BMAL1: variants seen among roughly 807,000 people sequenced by gnomAD.
BMAL1 encodes basic helix-loop-helix ARNT-like protein 1.
chr11:13,281,820 T>G, the BMAL1 span, among the ~76,000 whole-genome samples: 2 of 152,232 alleles, frequency 1.3e-5, no homozygotes, highest in Non-Finnish European at 2.9e-5. Flanking sequence ...CCTTTGAAGC[T>G]TTTACCTCAC....
chr11:13,378,198 G>A, the BMAL1 span: 3 of 1,213,540 alleles, frequency 2.5e-6, no homozygotes, highest in Non-Finnish European at 3.3e-6. Flanking sequence ...CTGACAAGCT[G>A]TAGCCCTAAA....
the BMAL1 span, among the ~76,000 whole-genome samples, chr11:13,354,814 T>C: frequency 6.6e-6 from 1 of 152,204 alleles, no homozygotes; most frequent in African/African-American, 2.4e-5. Flanking sequence ...AAAGAGAGCT[T>C]TGCCTGAGGG....
the BMAL1 span, among the ~76,000 whole-genome samples, chr11:13,286,012 G>T: frequency 6.6e-6 from 1 of 152,252 alleles, no homozygotes; most frequent in African/African-American, 2.4e-5. Flanking sequence ...CTTAAAAACA[G>T]GTTTTGTTCC....
chr11:13,325,240 G>C, the BMAL1 span, among the ~76,000 whole-genome samples: 1 of 152,174 alleles, frequency 6.6e-6, no homozygotes, highest in Admixed American at 6.5e-5. Flanking sequence ...GAGTGACTCT[G>C]CTGCTCCGCA....
chr11:13,290,847 C>T, the BMAL1 span, among the ~76,000 whole-genome samples: 1 of 152,154 alleles, frequency 6.6e-6, no homozygotes, highest in African/African-American at 2.4e-5. Flanking sequence ...TCTCTCTTTT[C>T]CTGGTACCTG....
At chr11:13,363,337 A>C in the BMAL1 span, among the ~76,000 whole-genome samples, 1 of 152,082 alleles carries the variant, frequency 6.6e-6, no homozygotes, top group Non-Finnish European at 1.5e-5. Context: ...TTATCATGCT[A>C]TCTCAGCTAA....
the BMAL1 span, among the ~76,000 whole-genome samples, chr11:13,361,156 C>T: frequency 6.6e-6 from 1 of 152,094 alleles, no homozygotes; most frequent in Non-Finnish European, 1.5e-5. Flanking sequence ...AAAATAAATG[C>T]AAGAGATATA....
At chr11:13,309,173 A>G in the BMAL1 span, among the ~76,000 whole-genome samples, 1 of 152,140 alleles carries the variant, frequency 6.6e-6, no homozygotes, top group African/African-American at 2.4e-5. Flanking sequence ...GGTCTGGGAT[A>G]TGATGTTTGA....
chr11:13,351,243 T>G, the BMAL1 span, among the ~76,000 whole-genome samples: 4 of 152,220 alleles, frequency 2.6e-5, no homozygotes, highest in African/African-American at 9.7e-5. Flanking sequence ...GCACATTTGC[T>G]GTTTTTGGAA....
At chr11:13,301,685 T>C in the BMAL1 span, among the ~76,000 whole-genome samples, 5 of 152,032 alleles carry the variant, frequency 3.3e-5, no homozygotes, top group Non-Finnish European at 7.4e-5. Context: ...CATGGGGCAA[T>C]GTTTGGGATT....
At chr11:13,289,427 C>G in the BMAL1 span, among the ~76,000 whole-genome samples, 1 of 152,092 alleles carries the variant, frequency 6.6e-6, no homozygotes, top group Non-Finnish European at 1.5e-5. Flanking sequence ...TACATGTGCA[C>G]AACACACAGG....
At chr11:13,339,386 G>A in the BMAL1 span, among the ~76,000 whole-genome samples, 12 of 150,514 alleles carry the variant, frequency 8.0e-5, no homozygotes, top group African/African-American at 1.5e-4. Context: ...TCTCTTCCCC[G>A]GACTGTTGTA....
At chr11:13,328,710 C>T in the BMAL1 span, among the ~76,000 whole-genome samples, 1 of 152,222 alleles carries the variant, frequency 6.6e-6, no homozygotes, top group Non-Finnish European at 1.5e-5. Flanking sequence ...TGATATAAAG[C>T]TGTTTCTGAT....
At chr11:13,350,227 T>G in the BMAL1 span, among the ~76,000 whole-genome samples, 3 of 151,908 alleles carry the variant, frequency 2.0e-5, no homozygotes, top group Non-Finnish European at 1.5e-5. Flanking sequence ...AAAAAGGGAG[T>G]GGGGGATTCT....
chr11:13,302,414 A>G, the BMAL1 span, among the ~76,000 whole-genome samples: 1 of 152,144 alleles, frequency 6.6e-6, no homozygotes, highest in Non-Finnish European at 1.5e-5. Context: ...AGTGTGACAG[A>G]GGGGGCAGGT....
the BMAL1 span, among the ~76,000 whole-genome samples, chr11:13,361,345 G>C: frequency 6.6e-6 from 1 of 152,106 alleles, no homozygotes; most frequent in Non-Finnish European, 1.5e-5. Flanking sequence ...AAAGAAACTG[G>C]ATTCAGAAAC....
At chr11:13,366,618 T>C in the BMAL1 span, 6 of 1,504,534 alleles carry the variant, frequency 4.0e-6, no homozygotes, top group Admixed American at 1.0e-4. Context: ...CATAATTGAT[T>C]TTCTGCATGC....
At chr11:13,378,569 T>G in the BMAL1 span, 89 of 1,348,818 alleles carry the variant, frequency 6.6e-5, no homozygotes, top group East Asian at 2.0e-4. Flanking sequence ...GGTGGGAGGT[T>G]GCTACTTAAA....
chr11:13,371,104 G>A, the BMAL1 span, among the ~76,000 whole-genome samples: 2 of 152,208 alleles, frequency 1.3e-5, no homozygotes, highest in Non-Finnish European at 2.9e-5. Context: ...CCACTAGGCT[G>A]TAAACTCCAC....
Sources: allele counts gnomAD v4.1 joint callset (sites outside exome capture counted in the v4.1 genomes callset), GRCh38; gene constraint gnomAD v4.1.1; transcripts MANE v1.5; gene names NCBI Gene and HGNC (gene_info 2026-07-23, HGNC 2026-07-21).